DNAI3: variants seen among roughly 807,000 people sequenced by gnomAD.
DNAI3 encodes the protein WD repeat domain 63.
DNAI3 carries 83 observed loss-of-function variants against 115.5 expected under a neutral mutation model. The observed-to-expected ratio is 0.72, with a 90% CI of 0.60 to 0.86. The LOEUF (loss-of-function observed/expected upper bound fraction) is 0.86. Among genes scored for constraint, DNAI3 ranks in the 40% least tolerant of loss-of-function variants. The pLI, the probability that DNAI3 is intolerant of heterozygous loss-of-function variation, is 0.00. For missense variants in DNAI3, 1,004 were observed against 1,075.8 expected, an observed-to-expected ratio of 0.93 and a Z score of 0.93; for synonymous variants, 320 against 347.0, an observed-to-expected ratio of 0.92 and a Z score of 0.86.
Position 85,117,860 on chromosome 1 carries a change from G to GTAAAT in DNAI3, c.1917+3_1917+7dup. The GTAAAT allele has an allele frequency of 6.2e-7, 1 of 1,610,928 alleles. No individual in the cohort carries two copies. Among genetic ancestry groups the GTAAAT allele is most frequent in the Non-Finnish European group, 8.5e-7 (1 of 1,178,162 alleles). On this transcript the variant is annotated splice_donor_variant, in intron 17 of 22. Coordinates refer to ENST00000294664, the MANE Select transcript of DNAI3 (RefSeq NM_145172.5). LOFTEE classifies it high-confidence loss of function. ...CACAAAGTTCTTTGTGGGAACAGAG[G>GTAAAT]TAAATTGGGATTATCTGCTTTTAAA...
intron 16 of DNAI3, among the ~76,000 whole-genome samples, chr1:85,113,881 G>A (rs1199250467): frequency 6.6e-6 from 1 of 152,094 alleles, no homozygotes; most frequent in Admixed American, 6.6e-5. Flanking sequence ...GTATTTTACA[G>A]TGTACAGGTC....
chr1:85,113,307 C>T (rs1655711470), intron 16 of DNAI3, among the ~76,000 whole-genome samples: 1 of 152,076 alleles, frequency 6.6e-6, no homozygotes, highest in African/African-American at 2.4e-5. Context: ...TTTGCCTAGC[C>T]CACAGTTGCC....
chr1:85,113,246 A>G (rs566170149), intron 16 of DNAI3, among the ~76,000 whole-genome samples: 1 of 152,312 alleles, frequency 6.6e-6, no homozygotes, highest in Non-Finnish European at 1.5e-5. Flanking sequence ...AGTCCAGCTT[A>G]TCAATTTATT....
Position 85,071,968 on chromosome 1 carries a change from A to G in DNAI3, c.27A>G (p.Thr9=), listed in dbSNP as rs747086623. ...TGGCTCCAAAACAAAAGAAAAAGAC[A>G]TCACGTGGCAAAAAAAGACTAAAAC... MAPKQKKK[T]SRGKKRLKPV... Residue 9 remains threonine (T), a synonymous_variant, in exon 2 of 23, where the codon ACA becomes ACG. Coordinates refer to ENST00000294664, the MANE Select transcript of DNAI3 (RefSeq NM_145172.5). 77 of 1,612,318 alleles carry G rather than the reference A, an allele frequency of 4.8e-5. No homozygotes were observed. Among genetic ancestry groups the G allele is most frequent in the Non-Finnish European group, 6.2e-5 (73 of 1,179,738 alleles).
At chr1:85,126,828 G>A in intron 20 of DNAI3, 113 bp downstream of exon 20, 1 of 1,089,140 alleles carries the variant, frequency 9.2e-7, no homozygotes, top group Non-Finnish European at 1.3e-6. Flanking sequence ...TTTTCTTCCT[G>A]CTCATCCCTT....
chr1:85,096,640 T>C (rs1655134943), intron 11 of DNAI3, among the ~76,000 whole-genome samples: 1 of 152,014 alleles, frequency 6.6e-6, no homozygotes, highest in Non-Finnish European at 1.5e-5. Context: ...AGCAAAACAA[T>C]CATAAAGCTG....
chr1:85,122,660 G>A (rs1656026340), intron 18 of DNAI3, among the ~76,000 whole-genome samples: 2 of 152,214 alleles, frequency 1.3e-5, no homozygotes, highest in Admixed American at 6.5e-5. Context: ...TAGAGCAGCT[G>A]GATTCTTTGC....
At chr1:85,121,685 A>G in intron 17 of DNAI3, 66 bp from the exon 18 acceptor site, 2 of 1,426,908 alleles carry the variant, frequency 1.4e-6, no homozygotes, top group Non-Finnish European at 2.0e-6. Context: ...ATCTTAGCAC[A>G]TGAGTGTGAA....
Position 85,108,093 on chromosome 1 carries a change from A to G in DNAI3, c.1614A>G (p.Lys538=), listed in dbSNP as rs750934886. 6.2e-7 allele frequency: 1 copy of G among 1,610,546 alleles called. No homozygotes were observed. The highest frequency in any genetic ancestry group is 8.5e-7 in the Non-Finnish European group (1 of 1,178,502). The change falls in exon 15 of 23, where the codon AAA becomes AAG. Residue 538 remains lysine (K), a synonymous_variant. Coordinates refer to ENST00000294664, the MANE Select transcript of DNAI3 (RefSeq NM_145172.5). The part of the protein sequence containing the change: ...QKPLTPQTTE[K]KKEESIEIPF... ...CTTTAACCCCCCAAACAACAGAGAA[A>G]AAGAAGGAGGAAAGTATTGAAATTC...
At chr1:85,097,221 T>A (rs926221840) in intron 11 of DNAI3, among the ~76,000 whole-genome samples, 3 of 152,104 alleles carry the variant, frequency 2.0e-5, no homozygotes, top group Non-Finnish European at 4.4e-5. Flanking sequence ...GGCTGTTTTT[T>A]CCTGGGTCCA....
chr1:85,090,264 A>C, intron 8 of DNAI3, 32 bp downstream of exon 8: 1 of 1,278,410 alleles, frequency 7.8e-7, no homozygotes, highest in Non-Finnish European at 1.1e-6. Context: ...TTTAAAAATA[A>C]AACATAAAAT....
Position 85,126,651 on chromosome 1 carries a change from AC to A in DNAI3, c.2255del (p.Pro752GlnfsTer9), listed in dbSNP as rs1656151738. ...GGGACCTTCTGGAGAAAACCCATGA[AC>A]CAGCCCAGTCTCAAAACATTTGCAT... ...IWDLLEKTHE[P>X]AQSQNICITM... On this transcript the variant is annotated frameshift_variant, in exon 20 of 23. Coordinates refer to ENST00000294664, the MANE Select transcript of DNAI3 (RefSeq NM_145172.5). LOFTEE classifies it high-confidence loss of function. 3 of 1,614,104 alleles carry A rather than the reference AC, an allele frequency of 1.9e-6. No individual in the cohort carries two copies. The highest frequency in any genetic ancestry group is 1.3e-5 in the African/African-American group (1 of 75,010).
chr1:85,066,045 G>A (rs1654087010), intron 1 of DNAI3, among the ~76,000 whole-genome samples: 1 of 152,200 alleles, frequency 6.6e-6, no homozygotes, highest in Admixed American at 6.5e-5. Flanking sequence ...GTCTCTTGTT[G>A]TTAACGTAGA....
intron 5 of DNAI3, 28 bp from the exon 6 acceptor site, chr1:85,084,518 T>C (rs758832634): frequency 5.2e-6 from 7 of 1,348,050 alleles, no homozygotes; most frequent in Non-Finnish European, 6.7e-6. Context: ...TGGGCATACA[T>C]TGTAGAATGC....
intron 9 of DNAI3, 99 bp from the exon 10 acceptor site, chr1:85,094,332 A>C (rs1350754311): frequency 2.0e-6 from 3 of 1,497,700 alleles, no homozygotes; most frequent in Non-Finnish European, 2.7e-6. Context: ...CTGTGGACAA[A>C]GTGTAAATGA....
At chr1:85,127,349 C>T (rs1458400) in intron 20 of DNAI3, among the ~76,000 whole-genome samples, 2,431 of 152,224 alleles carry the variant, frequency 0.016, 64 homozygotes, top group African/African-American at 0.055. Context: ...CCTTTGTCTC[C>T]ATTTTTTTTC....
intron 8 of DNAI3, among the ~76,000 whole-genome samples, chr1:85,092,827 A>G (rs817597): frequency 0.092 from 13,812 of 149,790 alleles, 761 homozygotes; most frequent in Middle Eastern, 0.16. Flanking sequence ...ACACACACAC[A>G]CACACACACT....
At chr1:85,084,493 G>T in intron 5 of DNAI3, 53 bp from the exon 6 acceptor site, 1 of 1,054,176 alleles carries the variant, frequency 9.5e-7, no homozygotes, top group Non-Finnish European at 1.2e-6. Context: ...TATATATAAA[G>T]CTATAACCTA....
chr1:85,122,891 A>G (rs1379136060), intron 18 of DNAI3, among the ~76,000 whole-genome samples: 1 of 152,202 alleles, frequency 6.6e-6, no homozygotes, highest in Non-Finnish European at 1.5e-5. Context: ...TTCTGCAGCC[A>G]ACTCTCAGGG....
Sources: allele counts gnomAD v4.1 joint callset (sites outside exome capture counted in the v4.1 genomes callset), GRCh38; gene constraint gnomAD v4.1.1; transcripts MANE v1.5; gene names NCBI Gene and HGNC (gene_info 2026-07-23, HGNC 2026-07-21).